The following TNKS variants were observed in gnomAD, a reference collection of about 807,000 sequenced individuals.
The protein encoded by TNKS is tankyrase.
TNKS carries 72 observed loss-of-function variants against 135.8 expected under a neutral mutation model. The ratio of observed to expected loss-of-function variants is 0.53; its 90% CI spans 0.44 to 0.64. TNKS has a LOEUF of 0.64. Ranked by LOEUF, TNKS falls within the 30% of genes least tolerant of loss-of-function variation. The pLI is 0.00. For synonymous variants in TNKS, 849 were observed against 649.3 expected, an observed-to-expected ratio of 1.31 and a Z score of -4.68; for missense variants, 1,769 against 1,674.0, an observed-to-expected ratio of 1.06 and a Z score of -0.99.
chr8:9,751,171 A>G (rs1806511456), intron 18 of TNKS, among the ~76,000 whole-genome samples: 1 of 152,210 alleles, frequency 6.6e-6, no homozygotes, highest in Non-Finnish European at 1.5e-5. Context: ...AGTTGCATCT[A>G]ATACTTAAAA....
intron 12 of TNKS, among the ~76,000 whole-genome samples, chr8:9,722,147 T>A (rs1017539918): frequency 3.3e-5 from 5 of 151,986 alleles, no homozygotes; most frequent in Admixed American, 2.0e-4. Flanking sequence ...AATTTATAGT[T>A]CTTATGTAAA....
At chr8:9,600,964 A>G (rs982397781) in intron 2 of TNKS, among the ~76,000 whole-genome samples, 2 of 152,228 alleles carry the variant, frequency 1.3e-5, no homozygotes. Flanking sequence ...TAGTCATTTG[A>G]TAGGAAGAAT....
At chr8:9,727,749 C>G (rs576653832) in intron 13 of TNKS, among the ~76,000 whole-genome samples, 1 of 152,264 alleles carries the variant, frequency 6.6e-6, no homozygotes, top group South Asian at 2.1e-4. Context: ...TGACGGTAAA[C>G]ACGTTTTAAG....
Position 9,701,215 on chromosome 8 carries a change from G to A in TNKS, c.1108-3448G>A, listed in dbSNP as rs553019578. On this transcript the variant is annotated intron_variant, in intron 5 of 26. Transcript: ENST00000310430. ...GCCTCCCAAAGTGCTGGGATTACAG[G>A]CGTGAGCCACCATGCCCGACCTGCC... Among the ~76,000 whole-genome samples, 15 of 152,282 alleles carry A rather than the reference G, an allele frequency of 9.9e-5. No homozygotes were observed. In the East Asian group the frequency reaches 2.9e-3, roughly 29 times the overall value.
At chr8:9,678,096 G>A (rs1025769982) in intron 3 of TNKS, among the ~76,000 whole-genome samples, 1 of 152,120 alleles carries the variant, frequency 6.6e-6, no homozygotes, top group Non-Finnish European at 1.5e-5. Flanking sequence ...TCCTTTAATA[G>A]AATAATATTC....
chr8:9,633,038 G>A (rs144514435), intron 3 of TNKS, among the ~76,000 whole-genome samples: 1 of 152,226 alleles, frequency 6.6e-6, no homozygotes, highest in East Asian at 1.9e-4. Context: ...CCTCTATGTT[G>A]TTCTTTGCAG....
intron 5 of TNKS, among the ~76,000 whole-genome samples, chr8:9,700,972 C>T (rs1365555694): frequency 4.2e-5 from 6 of 143,288 alleles, no homozygotes; most frequent in African/African-American, 1.3e-4. Flanking sequence ...CTTGCTTTGT[C>T]GCCCAGGCTG....
At position 9,701,748 on chromosome 8, in the gene TNKS, A is replaced by T. The variant is rs117958655; in HGVS notation, c.1108-2915A>T. On this transcript the variant is annotated intron_variant, in intron 5 of 26. Coordinates refer to ENST00000310430, the MANE Select transcript of TNKS (RefSeq NM_003747.3). ...CACAAGGAGGGGAAAACCAGGAGGAACCTGATGGTCTCCCTGAGTTGAGGA... is the reference window on the plus strand; with the variant it reads ...CACAAGGAGGGGAAAACCAGGAGGATCCTGATGGTCTCCCTGAGTTGAGGA... 2.7e-3 allele frequency among the ~76,000 whole-genome samples: 412 copies of T among 152,314 alleles called. 5 individuals are homozygous for T. In the East Asian group the frequency reaches 0.033, roughly 12 times the overall value.
chr8:9,561,144 T>C (rs1239047008), intron 1 of TNKS, among the ~76,000 whole-genome samples: 1 of 152,234 alleles, frequency 6.6e-6, no homozygotes, highest in African/African-American at 2.4e-5. Flanking sequence ...TTAAAGCATG[T>C]GAGTGTAAAT....
intron 17 of TNKS, among the ~76,000 whole-genome samples, chr8:9,736,082 TATA>T (rs59725161): frequency 0.7 from 103,239 of 147,708 alleles, 36,626 homozygotes; most frequent in Admixed American, 0.8. Context: ...AATATTGTAA[TATA>T]ATATATATAA....
At chr8:9,598,585 A>G (rs1370905587) in intron 2 of TNKS, among the ~76,000 whole-genome samples, 1 of 150,640 alleles carries the variant, frequency 6.6e-6, no homozygotes, top group Non-Finnish European at 1.5e-5. Flanking sequence ...AGTCCTAGCT[A>G]CTCGGGAGGC....
intron 3 of TNKS, among the ~76,000 whole-genome samples, chr8:9,659,224 A>C (rs992855587): frequency 1.8e-4 from 28 of 152,236 alleles, no homozygotes; most frequent in African/African-American, 6.8e-4. Flanking sequence ...TCCGCTCTGC[A>C]CCAAGTGGAC....
chr8:9,613,409 C>T (rs1187950126), intron 2 of TNKS, among the ~76,000 whole-genome samples: 1 of 152,194 alleles, frequency 6.6e-6, no homozygotes, highest in Non-Finnish European at 1.5e-5. Context: ...TGTATGAAAG[C>T]TGGATAAGTT....
intron 5 of TNKS, among the ~76,000 whole-genome samples, chr8:9,698,081 T>C (rs568284319): frequency 6.6e-6 from 1 of 152,292 alleles, no homozygotes; most frequent in East Asian, 1.9e-4. Flanking sequence ...TGAAAAAGAA[T>C]GAAGTCATGC....
At chr8:9,711,204 T>G (rs1396533945) in intron 11 of TNKS, among the ~76,000 whole-genome samples, 1 of 152,138 alleles carries the variant, frequency 6.6e-6, no homozygotes, top group Non-Finnish European at 1.5e-5. Context: ...AATACTTTTA[T>G]TTAAGAATAA....
rs372015227 is a variant in TNKS, at chr8:9,761,649, G to GAAA, written c.3274+24_3274+26dup. 2.5e-5 allele frequency: 33 copies of GAAA among 1,330,080 alleles called. No homozygotes were observed. The highest frequency in any genetic ancestry group is 1.1e-4 in the East Asian group (4 of 37,332). 82.4% of individuals were successfully genotyped at this position (1,330,080 alleles called of 1,614,324 possible). The stretch of plus-strand genomic sequence containing the variant: ...GGTGGACAACAAGGTAAGCTATTCA[G>GAAA]AAAAAAAAAAAAATTTCAGAAATCA... On this transcript the variant is annotated intron_variant, in intron 21 of 26. Transcript: ENST00000310430.
At chr8:9,714,935 G>A (rs1344870805) in intron 11 of TNKS, among the ~76,000 whole-genome samples, 1 of 152,186 alleles carries the variant, frequency 6.6e-6, no homozygotes, top group Non-Finnish European at 1.5e-5. Context: ...AATTCACATA[G>A]TGATTCTACA....
chr8:9,729,545 A>G (rs1805321839), intron 13 of TNKS, among the ~76,000 whole-genome samples: 1 of 152,096 alleles, frequency 6.6e-6, no homozygotes, highest in African/African-American at 2.4e-5. Flanking sequence ...AAAGTAAGCG[A>G]TGATGCATGA....
intron 3 of TNKS, among the ~76,000 whole-genome samples, chr8:9,648,537 A>AC (rs1187597049): frequency 6.6e-6 from 1 of 152,164 alleles, no homozygotes; most frequent in Non-Finnish European, 1.5e-5. Flanking sequence ...TGGACAATAA[A>AC]CCACTAACAT....
Sources: allele counts gnomAD v4.1 joint callset (sites outside exome capture counted in the v4.1 genomes callset), GRCh38; gene constraint gnomAD v4.1.1; transcripts MANE v1.5; gene names NCBI Gene and HGNC (gene_info 2026-07-23, HGNC 2026-07-21).